IMMP2L: variants seen among roughly 807,000 people sequenced by gnomAD.
The protein encoded by IMMP2L is inner mitochondrial membrane peptidase subunit 2, also known as mitochondrial inner membrane protease subunit 2.
Under a neutral mutation model 19.3 loss-of-function variants are expected in IMMP2L, and 18 were observed. The ratio of observed to expected loss-of-function variants is 0.93; its 90% CI spans 0.64 to 1.38. The LOEUF is 1.38. IMMP2L is among the 40% of genes most tolerant of loss of function. The probability of loss-of-function intolerance (pLI) is 0.00; values close to 1 mark genes in which losing one functional copy is unlikely to be tolerated. For missense variants in IMMP2L, 233 were observed against 218.2 expected (o/e 1.07, Z -0.43); for synonymous variants, 76 against 73.0 (o/e 1.04, Z -0.21).
chr7:111,337,274 A>G (rs989390255), intron 3 of IMMP2L, among the ~76,000 whole-genome samples: 1 of 152,120 alleles, frequency 6.6e-6, no homozygotes, highest in Non-Finnish European at 1.5e-5. Context: ...ACACAAATAG[A>G]TATTGATTTG....
chr7:111,289,867 T>C (rs1468298231), intron 3 of IMMP2L, among the ~76,000 whole-genome samples: 1 of 151,930 alleles, frequency 6.6e-6, no homozygotes, highest in Non-Finnish European at 1.5e-5. Context: ...CACGGAAATT[T>C]TGATGTTGAC....
At chr7:110,729,964 A>T (rs1796146686) in intron 5 of IMMP2L, among the ~76,000 whole-genome samples, 1 of 151,726 alleles carries the variant, frequency 6.6e-6, no homozygotes, top group Non-Finnish European at 1.5e-5. Flanking sequence ...CGCATCTTTT[A>T]TGAAGAAGCA....
chr7:111,460,555 G>A (rs1321719935), intron 3 of IMMP2L, among the ~76,000 whole-genome samples: 3 of 151,362 alleles, frequency 2.0e-5, no homozygotes, highest in Non-Finnish European at 4.4e-5. Flanking sequence ...TTTTTTAAGT[G>A]GTTAAAGAAG....
At chr7:111,466,172 T>C (rs557170750) in intron 3 of IMMP2L, among the ~76,000 whole-genome samples, 12 of 152,060 alleles carry the variant, frequency 7.9e-5, no homozygotes, top group Non-Finnish European at 1.5e-4. Context: ...CTGTGGCCTG[T>C]TGTGGGGTGG....
At chr7:111,115,808 G>C (rs1334450716) in intron 3 of IMMP2L, among the ~76,000 whole-genome samples, 2 of 151,812 alleles carry the variant, frequency 1.3e-5, no homozygotes, top group East Asian at 1.9e-4. Context: ...GCTGGGACTA[G>C]AGATGTGCAC....
chr7:110,851,950 T>C (rs2046817313), intron 5 of IMMP2L, among the ~76,000 whole-genome samples: 1 of 152,052 alleles, frequency 6.6e-6, no homozygotes, highest in African/African-American at 2.4e-5. Flanking sequence ...CCCTTGAACA[T>C]GGGCAGGCCT....
intron 4 of IMMP2L, among the ~76,000 whole-genome samples, chr7:110,906,186 T>A (rs1378076703): frequency 6.6e-6 from 1 of 152,252 alleles, no homozygotes; most frequent in African/African-American, 2.4e-5. Context: ...TTCTTACTCA[T>A]GTTTCATATA....
At chr7:110,833,346 G>T (rs1804139443) in intron 5 of IMMP2L, among the ~76,000 whole-genome samples, 1 of 151,372 alleles carries the variant, frequency 6.6e-6, no homozygotes, top group South Asian at 2.1e-4. Flanking sequence ...AGCTGAGGCA[G>T]GAGAATCGCT....
At chr7:111,083,417 T>G (rs1796048592) in intron 3 of IMMP2L, among the ~76,000 whole-genome samples, 1 of 152,292 alleles carries the variant, frequency 6.6e-6, no homozygotes, top group South Asian at 2.1e-4. Flanking sequence ...ACATGAGGTA[T>G]AGCTAAATTG....
intron 5 of IMMP2L, among the ~76,000 whole-genome samples, chr7:110,848,215 A>C (rs1805855478): frequency 6.6e-6 from 1 of 152,190 alleles, no homozygotes; most frequent in South Asian, 2.1e-4. Context: ...ACTCAACAAT[A>C]AGAATATAAA....
chr7:111,444,555 G>C (rs1838103122), intron 3 of IMMP2L, among the ~76,000 whole-genome samples: 1 of 152,136 alleles, frequency 6.6e-6, no homozygotes, highest in Non-Finnish European at 1.5e-5. Flanking sequence ...CTGCAAATAA[G>C]TGTTGAATTT....
chr7:111,303,264 AT>A (rs1398087018), intron 3 of IMMP2L, among the ~76,000 whole-genome samples: 2 of 152,092 alleles, frequency 1.3e-5, no homozygotes, highest in African/African-American at 4.8e-5. Context: ...TCATTTCATC[AT>A]TGTATCAACT....
chr7:111,406,874 G>T (rs896087290), intron 3 of IMMP2L, among the ~76,000 whole-genome samples: 1 of 152,012 alleles, frequency 6.6e-6, no homozygotes, highest in Non-Finnish European at 1.5e-5. Context: ...AGCAGGACAG[G>T]CAGAGAAAGA....
At chr7:110,919,929 G>A (rs1481595096) in intron 4 of IMMP2L, among the ~76,000 whole-genome samples, 1 of 152,104 alleles carries the variant, frequency 6.6e-6, no homozygotes, top group South Asian at 2.1e-4. Flanking sequence ...CTAGAATAAA[G>A]CAAGCAGAAG....
intron 3 of IMMP2L, among the ~76,000 whole-genome samples, chr7:111,130,435 A>G (rs943058318): frequency 6.6e-6 from 1 of 152,128 alleles, no homozygotes. Context: ...TAACTCTACT[A>G]CATCACCAAG....
At chr7:111,090,105 G>A (rs1016746547) in intron 3 of IMMP2L, among the ~76,000 whole-genome samples, 7 of 151,916 alleles carry the variant, frequency 4.6e-5, no homozygotes, top group East Asian at 1.9e-4. Context: ...TCAACAAGAT[G>A]TTTCTCTAGT....
intron 3 of IMMP2L, among the ~76,000 whole-genome samples, chr7:111,409,607 G>A (rs138502898): frequency 6.6e-6 from 1 of 151,404 alleles, no homozygotes; most frequent in East Asian, 1.9e-4. Context: ...ATAATCTTAT[G>A]GTCTCTATAT....
chr7:110,726,425 G>T (rs1226032620), intron 5 of IMMP2L, among the ~76,000 whole-genome samples: 1 of 152,144 alleles, frequency 6.6e-6, no homozygotes, highest in Non-Finnish European at 1.5e-5. Context: ...TATTAAAATG[G>T]AAGTTTTGGC....
intron 4 of IMMP2L, among the ~76,000 whole-genome samples, chr7:110,930,512 G>A (rs540781139): frequency 3.2e-4 from 49 of 152,192 alleles, no homozygotes; most frequent in African/African-American, 1.2e-3. Context: ...TAGCTATATA[G>A]GTAGGTTATA....
Sources: allele counts gnomAD v4.1 joint callset (sites outside exome capture counted in the v4.1 genomes callset), GRCh38; gene constraint gnomAD v4.1.1; transcripts MANE v1.5; gene names NCBI Gene and HGNC (gene_info 2026-07-23, HGNC 2026-07-21).